DLGAP2: variants seen among roughly 807,000 people sequenced by gnomAD.
DLGAP2 encodes the protein disks large-associated protein 2.
DLGAP2 carries 26 observed loss-of-function variants against 100.3 expected under a neutral mutation model. The ratio of observed to expected loss-of-function variants is 0.26; its 90% confidence interval spans 0.19 to 0.36. DLGAP2 has a LOEUF of 0.36. Ranked by LOEUF, DLGAP2 falls within the 10% of genes least tolerant of loss-of-function variation. The pLI is 1.00. For synonymous variants in DLGAP2, 886 were observed against 630.1 expected (o/e 1.41, Z -6.08); for missense variants, 1,858 against 1,453.2 (o/e 1.28, Z -4.53).
At chr8:1,445,354 C>G (rs1259871010) in intron 3 of DLGAP2, among the ~76,000 whole-genome samples, 1 of 150,360 alleles carries the variant, frequency 6.7e-6, no homozygotes, top group African/African-American at 2.5e-5. Context: ...GTTTTTTGTC[C>G]TTGCAATAAT....
At chr8:1,500,221 A>C (rs2130317650) in intron 3 of DLGAP2, among the ~76,000 whole-genome samples, 1 of 152,238 alleles carries the variant, frequency 6.6e-6, no homozygotes, top group African/African-American at 2.4e-5. Context: ...CCCTTATCTG[A>C]TGCTCCCTGC....
At chr8:789,552 C>T (rs1046932385) in intron 1 of DLGAP2, among the ~76,000 whole-genome samples, 1 of 152,184 alleles carries the variant, frequency 6.6e-6, no homozygotes, top group African/African-American at 2.4e-5. Context: ...TATGAATTGT[C>T]TTTTGCAGAA....
intron 3 of DLGAP2, among the ~76,000 whole-genome samples, chr8:1,329,105 G>T (rs1801091010): frequency 6.6e-6 from 1 of 152,254 alleles, no homozygotes; most frequent in South Asian, 2.1e-4. Flanking sequence ...CGAGTGGGAA[G>T]AAAAGTCTTC....
At chr8:1,156,878 TGAG>T (rs1796801931) in intron 2 of DLGAP2, among the ~76,000 whole-genome samples, 1 of 152,150 alleles carries the variant, frequency 6.6e-6, no homozygotes. Context: ...CACGCGAAGA[TGAG>T]GAGGCTGACT....
At chr8:997,998 C>T (rs1023550742) in intron 2 of DLGAP2, among the ~76,000 whole-genome samples, 2 of 149,428 alleles carry the variant, frequency 1.3e-5, no homozygotes, top group Non-Finnish European at 3.0e-5. Flanking sequence ...CACGTGCACA[C>T]AAACATGCAT....
At chr8:1,473,223 G>A (rs1039418334) in intron 3 of DLGAP2, among the ~76,000 whole-genome samples, 1 of 152,180 alleles carries the variant, frequency 6.6e-6, no homozygotes, top group Non-Finnish European at 1.5e-5. Flanking sequence ...GAGCCACCGT[G>A]CCCAGCCCAC....
At chr8:1,657,950 G>C (rs1798320786) in intron 8 of DLGAP2, among the ~76,000 whole-genome samples, 1 of 152,096 alleles carries the variant, frequency 6.6e-6, no homozygotes, top group Non-Finnish European at 1.5e-5. Flanking sequence ...AAGTGAGAGA[G>C]AAAAGACTTC....
chr8:941,130 G>T (rs115392755), intron 2 of DLGAP2, among the ~76,000 whole-genome samples: 1 of 152,112 alleles, frequency 6.6e-6, no homozygotes, highest in Non-Finnish European at 1.5e-5. Flanking sequence ...GGGACCCTCA[G>T]GGGGGTCGTG....
At chr8:848,444 G>A (rs1797114309) in intron 1 of DLGAP2, among the ~76,000 whole-genome samples, 1 of 55,684 alleles carries the variant, frequency 1.8e-5, no homozygotes, top group South Asian at 9.3e-4. Context: ...TGCGGTGCGT[G>A]TTCCAGTGTA....
chr8:1,126,685 T>A (rs1028116496), intron 2 of DLGAP2, among the ~76,000 whole-genome samples: 1 of 152,138 alleles, frequency 6.6e-6, no homozygotes, highest in Non-Finnish European at 1.5e-5. Context: ...AGGGCTTTGA[T>A]TAAGAGTCTC....
chr8:1,592,437 G>A (rs1796320052), intron 6 of DLGAP2, among the ~76,000 whole-genome samples: 1 of 151,852 alleles, frequency 6.6e-6, no homozygotes. Context: ...GTTTCTGCTT[G>A]GAAAGGGCTC....
At chr8:926,571 T>C (rs539920772) in intron 2 of DLGAP2, among the ~76,000 whole-genome samples, 1 of 152,346 alleles carries the variant, frequency 6.6e-6, no homozygotes, top group Non-Finnish European at 1.5e-5. Context: ...CACAGTGGGC[T>C]CTGCTCCTGC....
chr8:1,176,897 CA>C (rs1212333009), intron 2 of DLGAP2, among the ~76,000 whole-genome samples: 1 of 152,150 alleles, frequency 6.6e-6, no homozygotes, highest in African/African-American at 2.4e-5. Flanking sequence ...GTCACCAACT[CA>C]GACAGGACCT....
At chr8:1,157,964 A>T (rs531023291) in intron 2 of DLGAP2, among the ~76,000 whole-genome samples, 1 of 152,228 alleles carries the variant, frequency 6.6e-6, no homozygotes, top group Admixed American at 6.5e-5. Context: ...CAAGAGTATC[A>T]GGAGTTATAC....
chr8:1,415,392 G>A (rs1297743346), intron 3 of DLGAP2, among the ~76,000 whole-genome samples: 5 of 152,086 alleles, frequency 3.3e-5, no homozygotes, highest in African/African-American at 1.2e-4. Flanking sequence ...TGAAGTTTGA[G>A]GTGCAAATGA....
Position 830,874 on chromosome 8 carries a change from A to G in DLGAP2, c.19-77038A>G, listed in dbSNP as rs116769648. On this transcript the variant is annotated intron_variant, in intron 1 of 14. Coordinates refer to ENST00000637795, the MANE Select transcript of DLGAP2 (RefSeq NM_001346810.2). ...AAGCCTTTCTTTGCCAACAAACCCT[A>G]TGTAAACATTCAGCTGTGACTTTTT... Among the ~76,000 whole-genome samples, 551 of 146,350 alleles carry G rather than the reference A, an allele frequency of 3.8e-3. 4 individuals carry two copies. Among genetic ancestry groups the G allele is most frequent in the African/African-American group, 0.013 (530 of 39,936 alleles).
At chr8:1,510,248 C>G (rs902904372) in intron 4 of DLGAP2, among the ~76,000 whole-genome samples, 1 of 152,200 alleles carries the variant, frequency 6.6e-6, no homozygotes, top group Non-Finnish European at 1.5e-5. Context: ...ACAGCGATAA[C>G]TTGCTGATGT....
chr8:843,090 A>C (rs1000648692), intron 1 of DLGAP2, among the ~76,000 whole-genome samples: 2 of 152,054 alleles, frequency 1.3e-5, no homozygotes, highest in Non-Finnish European at 2.9e-5. Context: ...TTTCTGTAAT[A>C]ATTTTTATTG....
intron 4 of DLGAP2, among the ~76,000 whole-genome samples, chr8:1,525,787 T>C (rs1293428909): frequency 6.6e-6 from 1 of 152,314 alleles, no homozygotes; most frequent in African/African-American, 2.4e-5. Context: ...CTTGGCCTCA[T>C]CTCTTGTGTG....
Sources: allele counts gnomAD v4.1 joint callset (sites outside exome capture counted in the v4.1 genomes callset), GRCh38; gene constraint gnomAD v4.1.1; transcripts MANE v1.5; gene names NCBI Gene and HGNC (gene_info 2026-07-23, HGNC 2026-07-21).